PIK3C2A: variants seen among roughly 807,000 people sequenced by gnomAD.
PIK3C2A encodes the protein phosphatidylinositol 4-phosphate 3-kinase C2 domain-containing subunit alpha.
A neutral mutation model predicts 204.5 loss-of-function variants in PIK3C2A; 97 were observed. The observed-to-expected ratio is 0.47, with a 90% CI of 0.40 to 0.56. The LOEUF (loss-of-function observed/expected upper bound fraction) is 0.56, where lower values mean the gene tolerates loss of function less well. Among genes scored for constraint, PIK3C2A ranks in the 20% least tolerant of loss-of-function variants. The pLI, the probability that PIK3C2A is intolerant of heterozygous loss-of-function variation, is 0.00. For missense variants in PIK3C2A, 1,735 were observed against 1,969.2 expected (o/e 0.88, Z 2.25); for synonymous variants, 653 against 664.4 (o/e 0.98, Z 0.26).
At position 17,148,802 on chromosome 11, in the gene PIK3C2A, G is replaced by C; in HGVS notation, c.1328-15C>G. On this transcript the variant is annotated splice_polypyrimidine_tract_variant and intron_variant, in intron 4 of 32. Coordinates refer to ENST00000691414, the MANE Select transcript of PIK3C2A (RefSeq NM_002645.4). ...AGTAGAACTCACTGTAAAAGAGTTA[G>C]TCATTATTTTCACTTTGCTCATTTA... 6.2e-6 allele frequency: 10 copies of C among 1,600,458 alleles called. No individual in the cohort carries two copies. The highest frequency in any genetic ancestry group is 8.5e-6 in the Non-Finnish European group (10 of 1,170,244).
chr11:17,176,938 T>C (rs1200845808), intron 1 of PIK3C2A, among the ~76,000 whole-genome samples: 1 of 152,198 alleles, frequency 6.6e-6, no homozygotes, highest in Non-Finnish European at 1.5e-5. Context: ...CTTTAAGCAA[T>C]GTATTAACTA....
intron 19 of PIK3C2A, among the ~76,000 whole-genome samples, chr11:17,117,098 T>C (rs1395917989): frequency 6.6e-6 from 1 of 152,186 alleles, no homozygotes; most frequent in Non-Finnish European, 1.5e-5. Context: ...GTGTCCAGAA[T>C]ATCCATATAG....
chr11:17,115,829 A>G (rs1032428780), intron 19 of PIK3C2A: 4 of 152,174 alleles, frequency 2.6e-5, no homozygotes, highest in African/African-American at 9.7e-5. Flanking sequence ...TCTCTTTAAC[A>G]AATGGTGCTA....
Position 17,155,508 on chromosome 11 carries a change from T to A in PIK3C2A, c.1169+18A>T. The A allele has an allele frequency of 7.2e-7, 1 of 1,390,396 alleles. No homozygotes were observed. The highest frequency in any genetic ancestry group is 1.0e-6 in the Non-Finnish European group (1 of 990,606). The allele number at this position is 1,390,396 out of a possible 1,614,324, so 86.1% of individuals were successfully genotyped here. ...AGTGAATTTTTCAAATGAACATTTA[T>A]AAAGAAAAATTCCTTACTTTGTAAT... is the stretch of plus-strand genomic sequence containing the variant. On this transcript the variant is annotated intron_variant, in intron 3 of 32. Coordinates refer to ENST00000691414, the MANE Select transcript of PIK3C2A (RefSeq NM_002645.4).
chr11:17,139,663 C>T (rs1187794074), intron 8 of PIK3C2A, among the ~76,000 whole-genome samples: 1 of 152,232 alleles, frequency 6.6e-6, no homozygotes, highest in African/African-American at 2.4e-5. Flanking sequence ...TTCTACCCTA[C>T]ATCCTGTAAT....
intron 11 of PIK3C2A, among the ~76,000 whole-genome samples, chr11:17,132,516 A>AGAC (rs1849733128): frequency 6.7e-6 from 1 of 149,678 alleles, no homozygotes; most frequent in East Asian, 1.9e-4. Flanking sequence ...TTTTTAGTAG[A>AGAC]GACGGGGTTT....
intron 1 of PIK3C2A, among the ~76,000 whole-genome samples, chr11:17,173,825 C>T (rs777536182): frequency 2.6e-5 from 4 of 152,122 alleles, no homozygotes; most frequent in Non-Finnish European, 5.9e-5. Flanking sequence ...TTTGTTTAGA[C>T]AGAGTCTCAT....
At chr11:17,131,884 T>C in intron 12 of PIK3C2A, 32 bp downstream of exon 12, 1 of 1,583,048 alleles carries the variant, frequency 6.3e-7, no homozygotes, top group Non-Finnish European at 8.6e-7. Flanking sequence ...CAGGACACAC[T>C]GAAAGAATAA....
intron 1 of PIK3C2A, among the ~76,000 whole-genome samples, chr11:17,170,596 A>G (rs900324918): frequency 6.6e-6 from 1 of 152,248 alleles, no homozygotes. Flanking sequence ...ATGAGAAGAT[A>G]ATTTTTAAAC....
rs1328807518 is a variant in PIK3C2A, at chr11:17,099,896, T to C, written c.4082A>G (p.Gln1361Arg). The stretch of plus-strand genomic sequence containing the variant: ...AATTGTAGCTTCTGCGTCTGTAGTT[T>C]GGGGTTGAAGTGCATCTCTAACGTA... Reference protein sequence around the residue: ...LKYVRDALQPQTTDAEATIFF... With the variant: ...LKYVRDALQPRTTDAEATIFF... The change falls in exon 26 of 33, where the codon CAA (glutamine) becomes CGA (arginine). Residue 1361 changes from glutamine to arginine, a missense_variant. Transcript: ENST00000691414. 7 of 1,584,210 alleles carry C rather than the reference T, an allele frequency of 4.4e-6. No individual in the cohort carries two copies. The highest frequency in any genetic ancestry group is 3.3e-5 in the South Asian group (3 of 90,306).
At chr11:17,165,533 TG>T (rs1850913754) in intron 2 of PIK3C2A, among the ~76,000 whole-genome samples, 1 of 152,074 alleles carries the variant, frequency 6.6e-6, no homozygotes, top group Admixed American at 6.6e-5. Flanking sequence ...CCCAGCACGT[TG>T]GAAGGCTGAG....
At chr11:17,145,373 T>TAGTG (rs779912111) in intron 8 of PIK3C2A, among the ~76,000 whole-genome samples, 1 of 152,046 alleles carries the variant, frequency 6.6e-6, no homozygotes, top group Non-Finnish European at 1.5e-5. Flanking sequence ...GTTCTCATGA[T>TAGTG]AGTGAGTGAG....
chr11:17,162,641 C>G (rs1444657050), intron 2 of PIK3C2A, among the ~76,000 whole-genome samples: 1 of 152,188 alleles, frequency 6.6e-6, no homozygotes, highest in Non-Finnish European at 1.5e-5. Context: ...AAGCCATAAC[C>G]AATTCAGCTG....
chr11:17,092,942 A>C (rs1479737452), intron 28 of PIK3C2A, among the ~76,000 whole-genome samples: 3 of 152,248 alleles, frequency 2.0e-5, no homozygotes, highest in Non-Finnish European at 4.4e-5. Context: ...CTGATCCCTA[A>C]AAAATAAAAT....
intron 2 of PIK3C2A, among the ~76,000 whole-genome samples, chr11:17,158,821 G>A (rs528204485): frequency 1.3e-3 from 195 of 152,102 alleles, no homozygotes; most frequent in Middle Eastern, 6.8e-3. Context: ...TGTATTTTTT[G>A]CTGTGTCTCT....
At position 17,119,878 on chromosome 11, in the gene PIK3C2A, G is replaced by A. The variant is rs1445559390; in HGVS notation, c.2754C>T (p.Asn918=). The part of the protein sequence containing the change: ...CLPKILASAP[N]WKWVNLAKTY... Reference sequence around the variant, plus strand: ...TTTTGGCAAGATTAACCCATTTCCAGTTTGGGGCGCTTGCTAATATTTTAG... The same window carrying A: ...TTTTGGCAAGATTAACCCATTTCCAATTTGGGGCGCTTGCTAATATTTTAG... Residue 918 remains asparagine (N), a synonymous_variant, in exon 16 of 33, where the codon AAC becomes AAT. Coordinates refer to ENST00000691414, the MANE Select transcript of PIK3C2A (RefSeq NM_002645.4). 4 of 1,611,842 alleles carry A rather than the reference G, an allele frequency of 2.5e-6. No homozygotes were observed. The highest frequency in any genetic ancestry group is 1.7e-4 in the Middle Eastern group (1 of 6,052).
chr11:17,107,329 T>A (rs1425112182), intron 22 of PIK3C2A, among the ~76,000 whole-genome samples: 1 of 151,616 alleles, frequency 6.6e-6, no homozygotes. Context: ...TAAAAAAAAA[T>A]AAAATAAGTA....
chr11:17,096,659 T>C (rs1311943407), intron 27 of PIK3C2A, among the ~76,000 whole-genome samples: 4 of 152,046 alleles, frequency 2.6e-5, no homozygotes, highest in Non-Finnish European at 5.9e-5. Flanking sequence ...AGCACAAGGG[T>C]GAAAAGTAGC....
intron 25 of PIK3C2A, 49 bp downstream of exon 25, chr11:17,101,229 A>G (rs1350313989): frequency 1.9e-6 from 2 of 1,042,172 alleles, no homozygotes; most frequent in Non-Finnish European, 2.7e-6. Context: ...GTATTGAAAC[A>G]TAGATGCATT....
Sources: gnomAD v4.1 joint callset for allele counts (sites outside exome capture counted in the v4.1 genomes callset) on GRCh38, gnomAD v4.1.1 for gene constraint, MANE v1.5 for transcripts, NCBI Gene and HGNC (gene_info 2026-07-23, HGNC 2026-07-21) for gene names.